NDUFB1: variants seen among roughly 807,000 people sequenced by gnomAD.
The protein encoded by NDUFB1 is NADH:ubiquinone oxidoreductase subunit B1.
Under a neutral mutation model 6.7 loss-of-function variants are expected in NDUFB1, and 6 were observed. The observed-to-expected ratio is 0.89, with a 90% CI of 0.49 to 1.76. NDUFB1 has a LOEUF of 1.76. Among genes scored for constraint, NDUFB1 ranks in the 40% most tolerant of loss-of-function variants. The pLI, the probability that NDUFB1 is intolerant of heterozygous loss-of-function variation, is 0.01. For missense variants in NDUFB1, 56 were observed against 71.0 expected (o/e 0.79, Z 0.76); for synonymous variants, 17 against 22.9 (o/e 0.74, Z 0.74).
chr14:92,116,610 C>A (rs926280304), intron 2 of NDUFB1, among the ~76,000 whole-genome samples: 2 of 152,070 alleles, frequency 1.3e-5, no homozygotes, highest in African/African-American at 4.8e-5. Flanking sequence ...GCTAGGATTA[C>A]AGGTGTGAGC....
At chr14:92,121,351 G>C (rs1567012327) in intron 1 of NDUFB1, 5 of 515,952 alleles carry the variant, frequency 9.7e-6, no homozygotes, top group Non-Finnish European at 1.4e-5. Flanking sequence ...TGGGATCCGG[G>C]CCGGTCTTCT....
intron 2 of NDUFB1, among the ~76,000 whole-genome samples, chr14:92,116,434 A>T (rs7155991): frequency 0.41 from 61,372 of 148,912 alleles, 13,579 homozygotes; most frequent in East Asian, 0.84. Flanking sequence ...CCTGGCTTCA[A>T]GCGATTATCC....
intron 1 of NDUFB1, among the ~76,000 whole-genome samples, chr14:92,119,239 G>A (rs1040519555): frequency 1.0e-5 from 1 of 97,812 alleles, no homozygotes; most frequent in East Asian, 3.9e-4. Context: ...TTGAGCCCAA[G>A]AGACGGAGGT....
At chr14:92,117,859 G>A (rs545394113) in intron 1 of NDUFB1, 13 of 500,906 alleles carry the variant, frequency 2.6e-5, no homozygotes, top group African/African-American at 2.3e-4. Context: ...TTAGCCGGGT[G>A]TGGTGGTGCG....
In NDUFB1 at chr14:92,117,634, C is replaced by A. The variant is rs746211608; in HGVS notation, c.4G>T (p.Val2Leu). M[V>L]NLLQIVRDHW... ...TCCCGCACAATCTGAAGTAAGTTCA[C>A]CATGATAGCTAAAAGAAAAAAAAAT... The change falls in exon 2 of 3, where the codon GTG becomes TTG. Residue 2 changes from valine (V) to leucine (L), a missense_variant. Physicochemically the swap from Val to Leu is conservative, Grantham distance 32 (BLOSUM62 1). Coordinates refer to ENST00000605997, the MANE Select transcript of NDUFB1 (RefSeq NM_004545.4). 4 of 1,613,202 alleles carry A rather than the reference C, an allele frequency of 2.5e-6. No homozygotes were observed. The highest frequency in any genetic ancestry group is 3.4e-6 in the Non-Finnish European group (4 of 1,179,802).
intron 1 of NDUFB1, among the ~76,000 whole-genome samples, chr14:92,120,117 T>A (rs540081186): frequency 6.6e-6 from 1 of 152,156 alleles, no homozygotes; most frequent in African/African-American, 2.4e-5. Flanking sequence ...GATTGCCAAT[T>A]TTCTGTAAAA....
chr14:92,118,749 G>C (rs1486292966), intron 1 of NDUFB1: 1 of 159,938 alleles, frequency 6.3e-6, no homozygotes, highest in Non-Finnish European at 1.4e-5. Flanking sequence ...GAGGCGGGTG[G>C]ACGACAACAA....
In NDUFB1 at chr14:92,117,480, A is replaced by T. The variant is rs764679710; in HGVS notation, c.140+18T>A. 6.2e-7 allele frequency: 1 copy of T among 1,611,488 alleles called. No homozygotes were observed. Among genetic ancestry groups the T allele is most frequent in the Admixed American group, 1.7e-5 (1 of 59,968 alleles). ...CCCAAATTTGGCCAATTGCTGGTTT[A>T]AAAAAATGCAGACTAACCTTTTAAA... On this transcript the variant is annotated intron_variant, in intron 2 of 2. Transcript: ENST00000605997.
At chr14:92,116,713 G>C (rs2068720399) in intron 2 of NDUFB1, among the ~76,000 whole-genome samples, 1 of 152,044 alleles carries the variant, frequency 6.6e-6, no homozygotes, top group African/African-American at 2.4e-5. Flanking sequence ...TTTCATTCAT[G>C]ATTTTAACTT....
At chr14:92,121,540 AC>A in intron 1 of NDUFB1, 101 bp downstream of exon 1, 2 of 1,524,978 alleles carry the variant, frequency 1.3e-6, no homozygotes, top group East Asian at 2.3e-5. Flanking sequence ...AGCCCAGACC[AC>A]CCCTCCACAC....
At chr14:92,121,568 G>A (rs2068764392) in intron 1 of NDUFB1, 74 bp downstream of exon 1, 1 of 1,600,532 alleles carries the variant, frequency 6.2e-7, no homozygotes, top group Admixed American at 1.7e-5. Context: ...AGCACCGAGG[G>A]CTTGCCTAGA....
chr14:92,118,985 A>G, intron 1 of NDUFB1: 1 of 356,352 alleles, frequency 2.8e-6, no homozygotes. Context: ...GAAAAAAAAG[A>G]AAGAAAAAAA....
rs1419322833 is a variant in NDUFB1 at position 92,117,518 on chromosome 14, G to A, written c.120C>T (p.Asn40=). Residue 40 remains asparagine (N), a synonymous_variant, in exon 2 of 3, where the codon AAC becomes AAT. Transcript: ENST00000605997. ...KSDERLTAFR[N]KSMLFKRELQ... is the part of the protein sequence containing the mutation. ...CTAACCTTTTAAATAACATACTCTT[G>A]TTCCGGAAGGCAGTTAGCCGTTCAT... is the stretch of plus-strand genomic sequence containing the variant. 1 of 1,612,826 alleles carries A rather than the reference G, an allele frequency of 6.2e-7. No individual in the cohort carries two copies. The highest frequency in any genetic ancestry group is 1.7e-5 in the Admixed American group (1 of 59,978).
At chr14:92,117,018 A>G (rs1409035610) in intron 2 of NDUFB1, among the ~76,000 whole-genome samples, 2 of 152,320 alleles carry the variant, frequency 1.3e-5, no homozygotes, top group East Asian at 3.9e-4. Flanking sequence ...CAGAGGAGCC[A>G]TCTCTAGAGG....
intron 1 of NDUFB1, chr14:92,117,982 A>G: frequency 3.6e-6 from 1 of 276,476 alleles, no homozygotes; most frequent in East Asian, 9.6e-5. Flanking sequence ...TGGGCGACAG[A>G]GCAAGACTCC....
intron 1 of NDUFB1, chr14:92,117,922 C>G (rs2068728094): frequency 2.7e-6 from 1 of 367,600 alleles, no homozygotes; most frequent in Admixed American, 4.3e-5. Flanking sequence ...TGCTTGAACC[C>G]AGGAGGCGGA....
chr14:92,120,231 A>C (rs1201949231), intron 1 of NDUFB1: 1 of 152,226 alleles, frequency 6.6e-6, no homozygotes, highest in Non-Finnish European at 1.5e-5. Context: ...TCCTAGAAAG[A>C]CAATACATTA....
intron 2 of NDUFB1, among the ~76,000 whole-genome samples, chr14:92,116,456 C>T (rs1010330648): frequency 1.3e-5 from 2 of 151,236 alleles, no homozygotes; most frequent in African/African-American, 2.4e-5. Flanking sequence ...GCCTCACCCT[C>T]CCAAGTAGCT....
intron 2 of NDUFB1, 100 bp from the exon 3 acceptor site, chr14:92,116,329 T>TTA: frequency 7.6e-5 from 68 of 897,754 alleles, no homozygotes; most frequent in East Asian, 1.1e-4. Context: ...ATATTTCATT[T>TTA]TCTTTTTTTT....
Sources: allele counts gnomAD v4.1 joint callset (sites outside exome capture counted in the v4.1 genomes callset), GRCh38; gene constraint gnomAD v4.1.1; transcripts MANE v1.5; gene names NCBI Gene and HGNC (gene_info 2026-07-23, HGNC 2026-07-21).